OPN5: variants seen among roughly 807,000 people sequenced by gnomAD.
OPN5 encodes opsin-5.
OPN5 carries 18 observed loss-of-function variants against 41.7 expected under a neutral mutation model. The ratio of observed to expected loss-of-function variants is 0.43; its 90% CI spans 0.30 to 0.64. The LOEUF (loss-of-function observed/expected upper bound fraction) is 0.64, where lower values mean the gene tolerates loss of function less well. Ranked by LOEUF, OPN5 falls within the 30% of genes least tolerant of loss-of-function variation. The pLI, the probability that OPN5 is intolerant of heterozygous loss-of-function variation, is 0.13. For missense variants in OPN5, 318 were observed against 434.5 expected (o/e 0.73, Z 2.38); for synonymous variants, 178 against 164.3 (o/e 1.08, Z -0.64).
At chr6:47,816,569 T>C (rs1762435367) in intron 6 of OPN5, among the ~76,000 whole-genome samples, 1 of 152,134 alleles carries the variant, frequency 6.6e-6, no homozygotes, top group Non-Finnish European at 1.5e-5. Context: ...CCAGGTGATT[T>C]GGGGCAGTGT....
intron 5 of OPN5, among the ~76,000 whole-genome samples, chr6:47,808,613 T>C (rs1404148194): frequency 6.6e-6 from 1 of 152,210 alleles, no homozygotes; most frequent in Non-Finnish European, 1.5e-5. Context: ...GTGATTCTTT[T>C]TTGATCGTGG....
intron 4 of OPN5, among the ~76,000 whole-genome samples, chr6:47,807,039 C>T (rs1219774541): frequency 6.6e-6 from 1 of 152,262 alleles, no homozygotes; most frequent in East Asian, 1.9e-4. Context: ...CACCTGTAAT[C>T]CCAGCTACTT....
chr6:47,783,120 A>G (rs1773123117), intron 1 of OPN5, among the ~76,000 whole-genome samples: 1 of 152,048 alleles, frequency 6.6e-6, no homozygotes, highest in Non-Finnish European at 1.5e-5. Flanking sequence ...TTTAGAATCC[A>G]TATGTGGCTC....
chr6:47,794,886 A>G, intron 3 of OPN5: 1 of 201,132 alleles, frequency 5.0e-6, no homozygotes, highest in Non-Finnish European at 1.0e-5. Context: ...TTTTCCCTGG[A>G]TGATCCACTA....
At chr6:47,786,109 A>G (rs879695891) in intron 1 of OPN5, among the ~76,000 whole-genome samples, 7 of 152,244 alleles carry the variant, frequency 4.6e-5, no homozygotes, top group Non-Finnish European at 7.3e-5. Flanking sequence ...GGTTGGCTTC[A>G]TCTTCAGAAT....
At chr6:47,806,884 G>A (rs772619970) in intron 4 of OPN5, among the ~76,000 whole-genome samples, 13 of 152,138 alleles carry the variant, frequency 8.5e-5, no homozygotes, top group Non-Finnish European at 1.2e-4. Flanking sequence ...TAGGCCAGGC[G>A]CGATGGCTCA....
chr6:47,795,469 A>T, exon 4 of OPN5: 1 of 1,614,060 alleles, frequency 6.2e-7, no homozygotes, highest in Non-Finnish European at 8.5e-7. Context: ...TCCTACGTAA[A>T]GATCATTGCC....
At chr6:47,783,670 C>T (rs910852059) in intron 1 of OPN5, among the ~76,000 whole-genome samples, 2 of 152,090 alleles carry the variant, frequency 1.3e-5, no homozygotes, top group Middle Eastern at 3.2e-3. Flanking sequence ...ATTGAGCGCC[C>T]ACTCTTTGCC....
At chr6:47,811,139 G>A (rs1774182846) in intron 5 of OPN5, among the ~76,000 whole-genome samples, 1 of 152,172 alleles carries the variant, frequency 6.6e-6, no homozygotes, top group Non-Finnish European at 1.5e-5. Flanking sequence ...GCAGATGCTA[G>A]GCCTATCTCA....
intron 3 of OPN5, among the ~76,000 whole-genome samples, chr6:47,792,945 G>C (rs963031555): frequency 5.3e-5 from 8 of 151,258 alleles, no homozygotes; most frequent in Non-Finnish European, 8.8e-5. Context: ...TGGGAGGCGG[G>C]GGCTTGTGAG....
At chr6:47,791,872 C>T (rs959054453) in exon 3 of OPN5, 1 of 1,613,936 alleles carries the variant, frequency 6.2e-7, no homozygotes, top group Non-Finnish European at 8.5e-7. Context: ...TCGGCTGCCG[C>T]TGGTATGGAT....
chr6:47,815,946 C>G (rs1762416224), intron 6 of OPN5, among the ~76,000 whole-genome samples: 1 of 152,134 alleles, frequency 6.6e-6, no homozygotes, highest in Non-Finnish European at 1.5e-5. Context: ...ACTTTGAACC[C>G]TCTTTCCTTA....
chr6:47,801,812 G>GTT (rs5876035), intron 4 of OPN5, among the ~76,000 whole-genome samples: 52 of 149,736 alleles, frequency 3.5e-4, no homozygotes, highest in South Asian at 4.2e-4. Flanking sequence ...TAACAACCAT[G>GTT]TTTTTTTTTT....
At chr6:47,784,965 G>A (rs548735953) in intron 1 of OPN5, among the ~76,000 whole-genome samples, 1 of 152,232 alleles carries the variant, frequency 6.6e-6, no homozygotes, top group Non-Finnish European at 1.5e-5. Flanking sequence ...TATATTGCTT[G>A]TTAGAATAAT....
chr6:47,796,719 CT>C (rs2113965827), intron 4 of OPN5, among the ~76,000 whole-genome samples: 1 of 152,266 alleles, frequency 6.6e-6, no homozygotes, highest in African/African-American at 2.4e-5. Flanking sequence ...TAAGAGATGG[CT>C]TTTTAGTAAG....
intron 5 of OPN5, among the ~76,000 whole-genome samples, chr6:47,809,773 T>C (rs923465421): frequency 6.6e-6 from 1 of 152,244 alleles, no homozygotes; most frequent in Non-Finnish European, 1.5e-5. Context: ...CTAAAAAGCA[T>C]CTCTTTCTGA....
intron 4 of OPN5, among the ~76,000 whole-genome samples, chr6:47,801,192 T>A (rs1202177303): frequency 6.6e-6 from 1 of 152,228 alleles, no homozygotes; most frequent in East Asian, 1.9e-4. Flanking sequence ...TGGGTCCTGT[T>A]TGCCACTGGA....
chr6:47,824,053 G>T (rs2114021831), exon 7 of OPN5: 10 of 1,343,136 alleles, frequency 7.4e-6, no homozygotes, highest in South Asian at 5.0e-5. Flanking sequence ...CATATGCAGA[G>T]AAATTAGCTT....
intron 3 of OPN5, chr6:47,795,019 G>A: frequency 2.0e-6 from 1 of 489,672 alleles, no homozygotes; most frequent in Non-Finnish European, 3.6e-6. Context: ...GATGCCTAGA[G>A]AAAACCTTCC....
Sources: gnomAD v4.1 joint callset for allele counts (sites outside exome capture counted in the v4.1 genomes callset) on GRCh38, gnomAD v4.1.1 for gene constraint, MANE v1.5 for transcripts, NCBI Gene and HGNC (gene_info 2026-07-23, HGNC 2026-07-21) for gene names.